Variants in ARHGAP24 observed in about 807,000 individuals in gnomAD.
ARHGAP24 encodes rho GTPase-activating protein 24.
Under a neutral mutation model 76.4 loss-of-function variants are expected in ARHGAP24, and 50 were observed. The observed-to-expected ratio is 0.65, with a 90% CI of 0.52 to 0.83. The LOEUF (loss-of-function observed/expected upper bound fraction) is 0.83, where lower values mean the gene tolerates loss of function less well. Ranked by LOEUF, ARHGAP24 falls within the 40% of genes least tolerant of loss-of-function variation. The pLI is 0.00. For synonymous variants in ARHGAP24, 345 were observed against 323.3 expected, an observed-to-expected ratio of 1.07 and a Z score of -0.72; for missense variants, 930 against 914.2, an observed-to-expected ratio of 1.02 and a Z score of -0.22.
chr4:85,794,717 G>A (rs1460838809), intron 3 of ARHGAP24, among the ~76,000 whole-genome samples: 6 of 152,166 alleles, frequency 3.9e-5, no homozygotes, highest in African/African-American at 1.2e-4. Flanking sequence ...TCCTGACCTC[G>A]TGATCTGCCC....
At chr4:85,865,680 G>A (rs927291905) in intron 3 of ARHGAP24, among the ~76,000 whole-genome samples, 4 of 150,968 alleles carry the variant, frequency 2.6e-5, no homozygotes, top group Non-Finnish European at 4.4e-5. Context: ...TTGGAAGTAA[G>A]CATGGAATAT....
intron 3 of ARHGAP24, among the ~76,000 whole-genome samples, chr4:85,883,446 G>C (rs1733371955): frequency 6.6e-6 from 1 of 152,128 alleles, no homozygotes; most frequent in Admixed American, 6.5e-5. Flanking sequence ...ATAAGAGACT[G>C]TTCCAACTAG....
intron 3 of ARHGAP24, among the ~76,000 whole-genome samples, chr4:85,821,843 A>G (rs1261609405): frequency 1.3e-5 from 2 of 152,214 alleles, no homozygotes; most frequent in Non-Finnish European, 2.9e-5. Context: ...TGATAACACT[A>G]TTACTTAAAG....
At chr4:85,966,898 A>T (rs924240489) in intron 5 of ARHGAP24, among the ~76,000 whole-genome samples, 2 of 152,114 alleles carry the variant, frequency 1.3e-5, no homozygotes, top group African/African-American at 4.8e-5. Context: ...AAACCAAGGG[A>T]TTATACCGTA....
chr4:85,882,037 G>T (rs1168999563), intron 3 of ARHGAP24, among the ~76,000 whole-genome samples: 3 of 152,120 alleles, frequency 2.0e-5, no homozygotes, highest in African/African-American at 7.2e-5. Context: ...ATTGAAATTT[G>T]GAATTTGATG....
chr4:85,762,509 G>A (rs573106915), intron 3 of ARHGAP24, among the ~76,000 whole-genome samples: 25 of 152,124 alleles, frequency 1.6e-4, no homozygotes, highest in Non-Finnish European at 2.9e-4. Flanking sequence ...ACAAAACTGC[G>A]TTGTTTTAAA....
chr4:85,922,968 G>A (rs1225975265), intron 3 of ARHGAP24, among the ~76,000 whole-genome samples: 1 of 152,180 alleles, frequency 6.6e-6, no homozygotes. Flanking sequence ...GGCACTGCGG[G>A]GGTTTCCTCA....
chr4:85,493,054 A>C (rs1223260256), intron 1 of ARHGAP24, among the ~76,000 whole-genome samples: 2 of 152,214 alleles, frequency 1.3e-5, no homozygotes, highest in Non-Finnish European at 2.9e-5. Context: ...TCTGATAATA[A>C]AAGTCAGGTT....
At chr4:85,661,840 C>A (rs1722399955) in intron 2 of ARHGAP24, among the ~76,000 whole-genome samples, 1 of 152,124 alleles carries the variant, frequency 6.6e-6, no homozygotes, top group South Asian at 2.1e-4. Context: ...CTACAAAGGA[C>A]ATGAACTCAT....
Position 85,524,549 on chromosome 4 carries a change from T to A in ARHGAP24, c.-20-45973T>A, listed in dbSNP as rs557448379. On this transcript the variant is annotated intron_variant, in intron 1 of 9. Coordinates refer to ENST00000395184, the MANE Select transcript of ARHGAP24 (RefSeq NM_001025616.3). ...TCACAGCCCTGCATGATTGATGAGG[T>A]TATTCCTATTTTACATTTGGGGAGA... Among the ~76,000 whole-genome samples the A allele has an allele frequency of 1.1e-4, 17 of 152,218 alleles. No homozygotes were observed. In the East Asian group the frequency reaches 3.3e-3, roughly 29 times the overall value.
chr4:85,643,825 T>C (rs1721620283), intron 2 of ARHGAP24, among the ~76,000 whole-genome samples: 1 of 152,186 alleles, frequency 6.6e-6, no homozygotes. Context: ...CTCTCATTGT[T>C]ATTTGTAGGG....
At chr4:85,950,415 A>C (rs1216752424) in intron 5 of ARHGAP24, among the ~76,000 whole-genome samples, 1 of 152,068 alleles carries the variant, frequency 6.6e-6, no homozygotes, top group Admixed American at 6.5e-5. Flanking sequence ...CAGGAGGATC[A>C]CTTGAGCCCA....
chr4:85,487,463 CAT>C (rs141150161), intron 1 of ARHGAP24, among the ~76,000 whole-genome samples: 49,732 of 96,858 alleles, frequency 0.51, 14,567 homozygotes, highest in East Asian at 0.76. Context: ...ATTATATAAA[CAT>C]ATATTTATTA....
At chr4:85,975,555 T>C (rs1739268777) in intron 7 of ARHGAP24, 1 of 153,112 alleles carries the variant, frequency 6.5e-6, no homozygotes, top group South Asian at 2.1e-4. Context: ...AGAAAAATAA[T>C]TGTGCCTGGA....
At chr4:85,871,392 A>G (rs1446421570) in intron 3 of ARHGAP24, among the ~76,000 whole-genome samples, 3 of 152,186 alleles carry the variant, frequency 2.0e-5, no homozygotes, top group African/African-American at 4.8e-5. Context: ...AAAATGCCCA[A>G]TACACCTTCT....
At chr4:85,741,199 A>G (rs1220838909) in intron 3 of ARHGAP24, among the ~76,000 whole-genome samples, 3 of 152,158 alleles carry the variant, frequency 2.0e-5, no homozygotes, top group Admixed American at 6.5e-5. Context: ...AGAGGTGGTT[A>G]TTTGTTTCCC....
In ARHGAP24 at chr4:85,820,835, A is replaced by ACTT. The variant is rs34768983; in HGVS notation, c.268+98864_268+98866dup. On this transcript the variant is annotated intron_variant, in intron 3 of 9. Transcript: ENST00000395184. The stretch of plus-strand genomic sequence containing the variant: ...GTCTTAAAAAAGAAATCTGTAGAAA[A>ACTT]CTTAGTAGCATAAAAGTATAATTTT... Among the ~76,000 whole-genome samples, 1,441 of 152,290 alleles carry ACTT rather than the reference A, an allele frequency of 9.5e-3. 26 individuals are homozygous for ACTT. Among genetic ancestry groups the ACTT allele is most frequent in the African/African-American group, 0.032 (1,349 of 41,552 alleles).
rs1040432538 is a variant in ARHGAP24, at chr4:85,769,384, A to AT, written c.268+47420dup. Among the ~76,000 whole-genome samples the AT allele has an allele frequency of 3.8e-3, 573 of 152,036 alleles. 7 individuals are homozygous for AT. The highest frequency in any genetic ancestry group is 0.013 in the African/African-American group (553 of 41,470). On this transcript the variant is annotated intron_variant, in intron 3 of 9. Transcript: ENST00000395184. Reference sequence around the variant, plus strand: ...TAAATCTGAGGGTTTAAGGATGGAGATTTTTTTTGTGGGAAAAGAAGACAC... The same window carrying AT: ...TAAATCTGAGGGTTTAAGGATGGAGATTTTTTTTTGTGGGAAAAGAAGACAC...
At chr4:85,733,521 G>C (rs1560607237) in intron 3 of ARHGAP24, among the ~76,000 whole-genome samples, 2 of 152,132 alleles carry the variant, frequency 1.3e-5, no homozygotes, top group African/African-American at 4.8e-5. Context: ...ACAAGAAAGG[G>C]GAGTGAGTAG....
Sources: gnomAD v4.1 joint callset for allele counts (sites outside exome capture counted in the v4.1 genomes callset) on GRCh38, gnomAD v4.1.1 for gene constraint, MANE v1.5 for transcripts, NCBI Gene and HGNC (gene_info 2026-07-23, HGNC 2026-07-21) for gene names.